Variants in MAP3K21 observed in about 807,000 individuals in gnomAD.
MAP3K21 encodes mitogen-activated protein kinase kinase kinase 21.
In MAP3K21, 63 loss-of-function variants were observed where a neutral mutation model predicts 86.1. That is an observed-to-expected ratio of 0.73 (90% CI 0.60 to 0.90). The LOEUF is 0.90. Among genes scored for constraint, MAP3K21 ranks in the 40% least tolerant of loss-of-function variants. The pLI is 0.00. For synonymous variants in MAP3K21, 558 were observed against 564.8 expected (o/e 0.99, Z 0.17); for missense variants, 1,220 against 1,367.7 (o/e 0.89, Z 1.70).
chr1:233,346,413 C>T (rs748276458), intron 1 of MAP3K21, 29 bp from the exon 2 acceptor site: 14 of 1,543,318 alleles, frequency 9.1e-6, no homozygotes, highest in South Asian at 1.2e-5. Context: ...AAAGAATATG[C>T]AAATGTCTCA....
At chr1:233,355,781 G>T (rs1239734836) in intron 4 of MAP3K21, among the ~76,000 whole-genome samples, 2 of 152,040 alleles carry the variant, frequency 1.3e-5, no homozygotes, top group Non-Finnish European at 2.9e-5. Context: ...ACCATCAGTG[G>T]CAATTTTCTG....
At chr1:233,346,933 T>G (rs752273812) in intron 2 of MAP3K21, among the ~76,000 whole-genome samples, 1 of 152,218 alleles carries the variant, frequency 6.6e-6, no homozygotes, top group Non-Finnish European at 1.5e-5. Context: ...GAATTTTCCG[T>G]GATGCAATCA....
chr1:233,339,246 C>G (rs1459384238), intron 1 of MAP3K21, among the ~76,000 whole-genome samples: 10 of 77,450 alleles, frequency 1.3e-4, no homozygotes, highest in East Asian at 4.9e-4. Context: ...TCTTCTTCTT[C>G]TTCTTCTTCT....
chr1:233,382,759 GA>G lies in MAP3K21; in HGVS notation c.*50del, dbSNP rs1184091493. ...AAGCATTTTTTTAAGGTGAACAAAT[GA>G]ACACAATGTATCTACCTTTGAACTG... On this transcript the variant is annotated 3_prime_UTR_variant, in exon 10 of 10. Transcript: ENST00000366624. 2.7e-6 allele frequency: 4 copies of G among 1,503,480 alleles called. No individual in the cohort carries two copies. Among genetic ancestry groups the G allele is most frequent in the Admixed American group, 1.7e-5 (1 of 57,702 alleles). The allele number at this position is 1,503,480 out of a possible 1,614,324, so 93.1% of individuals were successfully genotyped here.
intron 1 of MAP3K21, among the ~76,000 whole-genome samples, chr1:233,335,941 A>G (rs1173092864): frequency 1.3e-5 from 2 of 152,134 alleles, no homozygotes; most frequent in Admixed American, 6.5e-5. Flanking sequence ...GGATGTTCAT[A>G]TCTGCTTCTG....
intron 1 of MAP3K21, among the ~76,000 whole-genome samples, chr1:233,336,979 C>G (rs957334831): frequency 6.6e-6 from 1 of 152,212 alleles, no homozygotes; most frequent in Non-Finnish European, 1.5e-5. Context: ...AAAGGAACAT[C>G]TCAGAGCGTT....
chr1:233,331,988 T>C (rs1049026950), intron 1 of MAP3K21, among the ~76,000 whole-genome samples: 2 of 152,194 alleles, frequency 1.3e-5, no homozygotes, highest in African/African-American at 4.8e-5. Context: ...GAAAATACTT[T>C]ATATAAGTCT....
chr1:233,328,984 A>C lies in MAP3K21; in HGVS notation c.805+151A>C. 1 of 728,130 alleles carries C rather than the reference A, an allele frequency of 1.4e-6. No homozygotes were observed. Among genetic ancestry groups the C allele is most frequent in the Non-Finnish European group, 1.9e-6 (1 of 523,740 alleles). 45.1% of individuals were successfully genotyped at this position (728,130 alleles called of 1,614,324 possible). A position where few individuals can be genotyped will look rare whatever the true frequency, so the allele number is the denominator to read the frequency against. On this transcript the variant is annotated intron_variant, in intron 1 of 9. Transcript: ENST00000366624. The surrounding 1 kb of genome is among the most constrained non-coding windows in gnomAD (Gnocchi z 8.7). ...CCAGGCCTTCAGGGCTCGGAAGTCC[A>C]GCTAGTCCTTGGTTACTTGCTTTGG...
Position 233,334,400 on chromosome 1 carries a change from C to G in MAP3K21, c.805+5567C>G, listed in dbSNP as rs539489363. Among the ~76,000 whole-genome samples, 3 of 152,214 alleles carry G rather than the reference C, an allele frequency of 2.0e-5. No homozygotes were observed. The South Asian group carries it at 6.2e-4, about 32-fold the overall frequency. ...TGACCTTGAGCAAGTTATATAACTT[C>G]ATTGAGACTGATTGTCTTGATTTCT... On this transcript the variant is annotated intron_variant, in intron 1 of 9. Transcript: ENST00000366624.
chr1:233,358,807 T>G (rs188170576), intron 4 of MAP3K21, among the ~76,000 whole-genome samples: 238 of 149,438 alleles, frequency 1.6e-3, no homozygotes, highest in African/African-American at 5.6e-3. Flanking sequence ...AAAAAAAAAT[T>G]ATTATTATTG....
chr1:233,382,550 C>T lies in MAP3K21; in HGVS notation c.2950C>T (p.Gln984Ter), dbSNP rs1347823723. The T allele has an allele frequency of 6.2e-7, 1 of 1,614,076 alleles. No homozygotes were observed. Among genetic ancestry groups the T allele is most frequent in the Non-Finnish European group, 8.5e-7 (1 of 1,180,042 alleles). ...VVGRPGPHPTQFLAAKERTKS... is the reference protein window; with the variant it reads ...VVGRPGPHPT ...GGGTCGCCCAGGACCACATCCCACC[C>T]AATTCCTCGCTGCCAAGGAGAGAAC... Residue 984 changes from glutamine (Q) to a stop codon, truncating the protein, a stop_gained, in exon 10 of 10, where the codon CAA becomes TAA. Coordinates refer to ENST00000366624, the MANE Select transcript of MAP3K21 (RefSeq NM_032435.3). LOFTEE classifies it low-confidence loss of function (END_TRUNC).
chr1:233,352,268 G>A (rs1433320570), intron 2 of MAP3K21, among the ~76,000 whole-genome samples: 2 of 152,070 alleles, frequency 1.3e-5, no homozygotes, highest in East Asian at 1.9e-4. Context: ...TGTGGTGATC[G>A]GATCAGGGTA....
At chr1:233,334,347 A>G (rs1439237656) in intron 1 of MAP3K21, among the ~76,000 whole-genome samples, 1 of 152,046 alleles carries the variant, frequency 6.6e-6, no homozygotes, top group Non-Finnish European at 1.5e-5. Context: ...CTGGATTTGA[A>G]TATCAGTGTC....
At chr1:233,378,549 G>T (rs1663842071) in intron 8 of MAP3K21, among the ~76,000 whole-genome samples, 1 of 152,354 alleles carries the variant, frequency 6.6e-6, no homozygotes, top group East Asian at 1.9e-4. Flanking sequence ...CCTGATGCAT[G>T]TATTTAGGTG....
chr1:233,345,954 TC>T (rs1663132059), intron 1 of MAP3K21, among the ~76,000 whole-genome samples: 1 of 152,146 alleles, frequency 6.6e-6, no homozygotes, highest in Admixed American at 6.6e-5. Flanking sequence ...CAATTATATC[TC>T]CTACATTATC....
At chr1:233,335,928 G>C (rs1037288655) in intron 1 of MAP3K21, among the ~76,000 whole-genome samples, 1 of 152,156 alleles carries the variant, frequency 6.6e-6, no homozygotes, top group Non-Finnish European at 1.5e-5. Flanking sequence ...GGAGAAGACA[G>C]ATGGATGTTC....
chr1:233,346,723 C>G (rs1372352814), intron 2 of MAP3K21, 101 bp downstream of exon 2: 2 of 991,954 alleles, frequency 2.0e-6, no homozygotes, highest in African/African-American at 3.3e-5. Context: ...ATAGTCGAGG[C>G]CTTTTTGAAT....
chr1:233,336,391 A>G (rs140388663), intron 1 of MAP3K21, among the ~76,000 whole-genome samples: 7 of 152,112 alleles, frequency 4.6e-5, no homozygotes, highest in African/African-American at 7.2e-5. Context: ...AAATACAGAA[A>G]TTAGCCGGAC....
At chr1:233,339,211 T>C (rs944630796) in intron 1 of MAP3K21, among the ~76,000 whole-genome samples, 15 of 48,242 alleles carry the variant, frequency 3.1e-4, no homozygotes, top group Non-Finnish European at 3.8e-4. Context: ...CTTCTTCTTC[T>C]TCTTCTTCTT....
Sources: gnomAD v4.1 joint callset for allele counts (sites outside exome capture counted in the v4.1 genomes callset) on GRCh38, gnomAD v4.1.1 for gene constraint, Gnocchi (gnomAD v3.1) non-coding constraint, MANE v1.5 for transcripts, NCBI Gene and HGNC (gene_info 2026-07-23, HGNC 2026-07-21) for gene names.